The following COMMD10 variants were observed in gnomAD, a reference collection of about 807,000 sequenced individuals.
COMMD10 encodes COMM domain containing 10, also known as COMM domain-containing protein 10.
A neutral mutation model predicts 28.9 loss-of-function variants in COMMD10; 33 were observed. The observed-to-expected ratio is 1.14, with a 90% confidence interval of 0.87 to 1.53. The LOEUF (loss-of-function observed/expected upper bound fraction) is 1.53. COMMD10 is among the 40% of genes most tolerant of loss of function. COMMD10 has a pLI of 0.00. For synonymous variants in COMMD10, 110 were observed against 81.7 expected (o/e 1.35, Z -1.87); for missense variants, 310 against 233.4 (o/e 1.33, Z -2.14).
At chr5:116,099,265 C>T (rs1750571873) in intron 4 of COMMD10, among the ~76,000 whole-genome samples, 1 of 152,168 alleles carries the variant, frequency 6.6e-6, no homozygotes, top group South Asian at 2.1e-4. Flanking sequence ...GCATAACACC[C>T]TCCAGGTTCA....
At chr5:116,276,489 G>T (rs1213166329) in intron 5 of COMMD10, among the ~76,000 whole-genome samples, 1 of 151,676 alleles carries the variant, frequency 6.6e-6, no homozygotes. Flanking sequence ...ACCCACCTCA[G>T]CCTCCCAGAG....
chr5:116,178,079 T>G (rs547839345), intron 5 of COMMD10, among the ~76,000 whole-genome samples: 65 of 152,210 alleles, frequency 4.3e-4, no homozygotes, highest in African/African-American at 1.5e-3. Flanking sequence ...GTAAAAGAAA[T>G]AAATACTTCA....
intron 5 of COMMD10, among the ~76,000 whole-genome samples, chr5:116,178,467 A>G (rs73255186): frequency 0.015 from 2,294 of 152,258 alleles, 60 homozygotes; most frequent in African/African-American, 0.052. Flanking sequence ...AACGGATAAT[A>G]AAGTACAATA....
intron 5 of COMMD10, chr5:116,218,018 A>C: frequency 9.8e-7 from 1 of 1,023,180 alleles, no homozygotes; most frequent in South Asian, 1.3e-5. Context: ...AAAAATGCAC[A>C]CACTTCTCTT....
chr5:116,248,418 G>T (rs539030879), intron 5 of COMMD10, among the ~76,000 whole-genome samples: 3 of 151,932 alleles, frequency 2.0e-5, no homozygotes, highest in Non-Finnish European at 2.9e-5. Context: ...GACAGAAAAA[G>T]AATTAAGGTT....
chr5:116,291,970 T>C (rs902195563), intron 6 of COMMD10, among the ~76,000 whole-genome samples: 7 of 152,022 alleles, frequency 4.6e-5, no homozygotes, highest in African/African-American at 7.2e-5. Flanking sequence ...TTCTGAAGAC[T>C]GATTTTGTAA....
At chr5:116,104,654 C>G (rs1039977831) in intron 4 of COMMD10, among the ~76,000 whole-genome samples, 1 of 151,528 alleles carries the variant, frequency 6.6e-6, no homozygotes, top group Admixed American at 6.6e-5. Flanking sequence ...GAGTCTCACT[C>G]TGTCACCCAG....
chr5:116,093,643 T>TA (rs1750374717), intron 4 of COMMD10, among the ~76,000 whole-genome samples: 1 of 152,188 alleles, frequency 6.6e-6, no homozygotes. Flanking sequence ...GGCTCCATTT[T>TA]AAGAGTCTAA....
rs1231009873 is a variant in COMMD10, at chr5:116,124,402, G to A, written c.400-9666G>A. 5.9e-5 allele frequency among the ~76,000 whole-genome samples: 9 copies of A among 152,152 alleles called. No individual in the cohort carries two copies. In the South Asian group the frequency reaches 1.2e-3, roughly 21 times the overall value. On this transcript the variant is annotated intron_variant, in intron 4 of 6. Coordinates refer to ENST00000274458, the MANE Select transcript of COMMD10 (RefSeq NM_016144.4). ...TTTTAAGTGAGTTTCTTAATCCTGA[G>A]TTCTAGTTTGATTGCACTGTGGTCT...
chr5:116,292,922 T>C lies in COMMD10; in HGVS notation c.*433T>C, dbSNP rs1751409151. 1 of 396,078 alleles carries C rather than the reference T, an allele frequency of 2.5e-6. No homozygotes were observed. The highest frequency in any genetic ancestry group is 4.5e-6 in the Non-Finnish European group (1 of 224,422). 24.5% of individuals were successfully genotyped at this position (396,078 alleles called of 1,614,324 possible). ...GAATAAAATTAAGAAAATAGCCATA[T>C]ACAATCAAATACACTATGGCATTTT... On this transcript the variant is annotated 3_prime_UTR_variant, in exon 7 of 7. Transcript: ENST00000274458.
intron 4 of COMMD10, among the ~76,000 whole-genome samples, chr5:116,113,390 G>A (rs886839959): frequency 7.8e-6 from 1 of 128,654 alleles, no homozygotes; most frequent in African/African-American, 3.1e-5. Context: ...CTATTATTTT[G>A]TTAAAGATTT....
intron 4 of COMMD10, among the ~76,000 whole-genome samples, chr5:116,098,223 C>T (rs974136646): frequency 1.3e-5 from 2 of 152,000 alleles, no homozygotes; most frequent in African/African-American, 4.8e-5. Context: ...ATACTGTGGC[C>T]AAAATAGCCA....
chr5:116,190,785 C>G (rs996995813), intron 5 of COMMD10, among the ~76,000 whole-genome samples: 1 of 152,112 alleles, frequency 6.6e-6, no homozygotes, highest in Non-Finnish European at 1.5e-5. Context: ...AATGAAAACT[C>G]AAACCTTAAG....
intron 4 of COMMD10, among the ~76,000 whole-genome samples, chr5:116,119,044 A>G (rs1046259270): frequency 6.6e-6 from 1 of 152,328 alleles, no homozygotes; most frequent in South Asian, 2.1e-4. Context: ...ACATTTGTTG[A>G]ATGACATTTC....
chr5:116,290,857 A>G (rs1350033895), intron 5 of COMMD10, among the ~76,000 whole-genome samples: 1 of 152,190 alleles, frequency 6.6e-6, no homozygotes. Context: ...AGTTGGGTTT[A>G]GTTTAATATC....
rs762703207 is a variant in COMMD10, at chr5:116,258,556, C to T, written c.511-32961C>T. Among the ~76,000 whole-genome samples, 3 of 151,546 alleles carry T rather than the reference C, an allele frequency of 2.0e-5. No homozygotes were observed. In the East Asian group the frequency reaches 5.8e-4, roughly 29 times the overall value. ...GACTGAAAATGTATATTTATTCTCA[C>T]TTGATTGCTGATTAGACTTGACATA... On this transcript the variant is annotated intron_variant, in intron 5 of 6. Transcript: ENST00000274458.
chr5:116,126,720 A>T (rs1003352283), intron 4 of COMMD10, among the ~76,000 whole-genome samples: 14 of 152,210 alleles, frequency 9.2e-5, no homozygotes, highest in Admixed American at 8.5e-4. Context: ...CAGGCTAGCC[A>T]TATGTAGAAA....
intron 5 of COMMD10, among the ~76,000 whole-genome samples, chr5:116,288,220 G>T (rs1751270945): frequency 1.3e-5 from 2 of 151,612 alleles, no homozygotes; most frequent in Admixed American, 6.6e-5. Flanking sequence ...CTGATTAATA[G>T]TTTTTTTGTT....
intron 5 of COMMD10, among the ~76,000 whole-genome samples, chr5:116,176,825 T>C (rs1753528469): frequency 6.6e-6 from 1 of 152,158 alleles, no homozygotes; most frequent in Admixed American, 6.5e-5. Context: ...GGAAGTTTAA[T>C]ATAAAGAATT....
Sources: gnomAD v4.1 joint callset for allele counts (sites outside exome capture counted in the v4.1 genomes callset) on GRCh38, gnomAD v4.1.1 for gene constraint, MANE v1.5 for transcripts, NCBI Gene and HGNC (gene_info 2026-07-23, HGNC 2026-07-21) for gene names.